Variants in OLFML1 observed in about 807,000 individuals in gnomAD.
OLFML1 encodes the protein olfactomedin-like protein 1.
In OLFML1, 33 loss-of-function variants were observed where a neutral mutation model predicts 37.3. That is an observed-to-expected ratio of 0.88 (90% CI 0.67 to 1.18). OLFML1 has a LOEUF of 1.18. Among genes scored for constraint, OLFML1 ranks in the 50% most tolerant of loss-of-function variants. OLFML1 has a pLI of 0.00. For missense variants in OLFML1, 545 were observed against 483.7 expected (o/e 1.13, Z -1.19); for synonymous variants, 186 against 181.3 (o/e 1.03, Z -0.21).
Position 7,488,373 on chromosome 11 carries a change from G to A in OLFML1, c.376G>A (p.Glu126Lys), listed in dbSNP as rs1848553300. The change falls in exon 2 of 3, where the codon GAA (glutamate) becomes AAA (lysine). Residue 126 changes from glutamate to lysine, a missense_variant. Glu to Lys is a moderately conservative substitution (Grantham distance 56). Transcript: ENST00000329293. Reference sequence around the variant, plus strand: ...GACACTGGCAGAAATGTTGCTCCAAGAAGCTGAAGAAGAGAAAAAGATCCG... The same window carrying A: ...GACACTGGCAGAAATGTTGCTCCAAAAAGCTGAAGAAGAGAAAAAGATCCG... Reference protein sequence around the residue: ...DKTLAEMLLQEAEEEKKIRTL... With the variant: ...DKTLAEMLLQKAEEEKKIRTL... 1.2e-6 allele frequency: 2 copies of A among 1,613,842 alleles called. No homozygotes were observed. The highest frequency in any genetic ancestry group is 2.7e-5 in the African/African-American group (2 of 74,912).
chr11:7,509,615 C>G lies in OLFML1; in HGVS notation c.636C>G (p.Ser212=). The G allele has an allele frequency of 6.2e-7, 1 of 1,614,222 alleles. No homozygotes were observed. The highest frequency in any genetic ancestry group is 8.5e-7 in the Non-Finnish European group (1 of 1,180,028). Reference sequence around the variant, plus strand: ...CCCGGAAGCAAATCCTAACACTTTCCTGGCAGGGAACAGGCCAAGTGATCT... The same window carrying G: ...CCCGGAAGCAAATCCTAACACTTTCGTGGCAGGGAACAGGCCAAGTGATCT... ...PAPRKQILTL[S]WQGTGQVIYK... Residue 212 remains serine (S), a synonymous_variant, in exon 3 of 3, where the codon TCC becomes TCG. Transcript: ENST00000329293.
chr11:7,506,668 C>T (rs1399219875), intron 2 of OLFML1, among the ~76,000 whole-genome samples: 1 of 152,202 alleles, frequency 6.6e-6, no homozygotes, highest in East Asian at 1.9e-4. Flanking sequence ...CCTCCATCAA[C>T]ACTCAACTCC....
intron 2 of OLFML1, among the ~76,000 whole-genome samples, chr11:7,495,653 T>G (rs553124854): frequency 1.3e-5 from 2 of 152,282 alleles, no homozygotes; most frequent in East Asian, 3.9e-4. Flanking sequence ...ATGCTGTGCC[T>G]GGAACAGAGT....
intron 2 of OLFML1, among the ~76,000 whole-genome samples, chr11:7,491,451 AG>A (rs1299058778): frequency 7.4e-6 from 1 of 136,044 alleles, no homozygotes; most frequent in Non-Finnish European, 1.6e-5. Flanking sequence ...ACAATGGCAG[AG>A]GCCCCTGCAG....
intron 2 of OLFML1, among the ~76,000 whole-genome samples, chr11:7,499,700 T>A (rs1290899173): frequency 6.6e-6 from 1 of 152,152 alleles, no homozygotes; most frequent in Non-Finnish European, 1.5e-5. Context: ...AGAAGGAACA[T>A]GGGGGGAATT....
At chr11:7,488,496 A>T in intron 2 of OLFML1, 81 bp downstream of exon 2, 2 of 1,126,556 alleles carry the variant, frequency 1.8e-6, no homozygotes, top group South Asian at 1.6e-5. Context: ...GTCAGGGAGC[A>T]TCATAGAGTA....
At chr11:7,498,449 G>C (rs906828334) in intron 2 of OLFML1, among the ~76,000 whole-genome samples, 3 of 152,172 alleles carry the variant, frequency 2.0e-5, no homozygotes, top group South Asian at 4.1e-4. Context: ...GCTATGCTGA[G>C]ATATCGGAAA....
chr11:7,486,244 T>C (rs7112389), intron 1 of OLFML1, among the ~76,000 whole-genome samples: 53,993 of 152,040 alleles, frequency 0.36, 9,768 homozygotes, highest in East Asian at 0.49. Flanking sequence ...GTTTGTCTCA[T>C]CTGTAAAATG....
chr11:7,492,334 G>T (rs1002593570), intron 2 of OLFML1, among the ~76,000 whole-genome samples: 2 of 152,122 alleles, frequency 1.3e-5, no homozygotes, highest in African/African-American at 2.4e-5. Flanking sequence ...AAAAACCATG[G>T]GATTATGGGC....
At chr11:7,488,459 T>A (rs1235811282) in intron 2 of OLFML1, 44 bp downstream of exon 2, 1 of 1,493,308 alleles carries the variant, frequency 6.7e-7, no homozygotes, top group Non-Finnish European at 9.1e-7. Context: ...GGGACTATTA[T>A]GCTCAGAAAC....
At chr11:7,495,364 C>A (rs1261065897) in intron 2 of OLFML1, among the ~76,000 whole-genome samples, 1 of 152,056 alleles carries the variant, frequency 6.6e-6, no homozygotes, top group Non-Finnish European at 1.5e-5. Context: ...TAAAGAAAGT[C>A]CTTTACAACC....
chr11:7,505,508 G>A (rs1022574996), intron 2 of OLFML1, among the ~76,000 whole-genome samples: 5 of 152,114 alleles, frequency 3.3e-5, no homozygotes, highest in African/African-American at 7.2e-5. Context: ...ATCTCACAAC[G>A]GATGGCCTGA....
rs752386294 is a variant in OLFML1, at chr11:7,509,777, C to A, written c.798C>A (p.Pro266=). 1 of 1,614,132 alleles carries A rather than the reference C, an allele frequency of 6.2e-7. No individual in the cohort carries two copies. The highest frequency in any genetic ancestry group is 1.3e-5 in the African/African-American group (1 of 74,950). Residue 266 remains proline (P), a synonymous_variant, in exon 3 of 3, where the codon CCC becomes CCA. Transcript: ENST00000329293. ...VGRALVYQHS[P]STYIDLAVDE... ...GAGCATTGGTTTACCAGCACTCCCC[C>A]TCAACTTACATTGACCTGGCTGTGG...
Position 7,510,416 on chromosome 11 carries a change from C to G in OLFML1, c.*228C>G, listed in dbSNP as rs145798936. 119 of 490,304 alleles carry G rather than the reference C, an allele frequency of 2.4e-4. 2 individuals are homozygous for G. The highest frequency in any genetic ancestry group is 8.5e-4 in the East Asian group (26 of 30,554). 30.4% of individuals were successfully genotyped at this position (490,304 alleles called of 1,614,324 possible). ...AGTTTCAACAATGTCCATTACTCCC[C>G]CAAACCTCCTGGCTCTCAAGGATGA... On this transcript the variant is annotated 3_prime_UTR_variant, in exon 3 of 3. Transcript: ENST00000329293.
intron 2 of OLFML1, among the ~76,000 whole-genome samples, chr11:7,499,159 A>G (rs1224742304): frequency 6.6e-6 from 1 of 152,264 alleles, no homozygotes; most frequent in Non-Finnish European, 1.5e-5. Context: ...ATATGAAAAG[A>G]TTCAAATAAG....
chr11:7,510,033 A>G lies in OLFML1; in HGVS notation c.1054A>G (p.Ser352Gly). 6.2e-7 allele frequency: 1 copy of G among 1,614,246 alleles called. No homozygotes were observed. Among genetic ancestry groups the G allele is most frequent in the South Asian group, 1.1e-5 (1 of 91,088 alleles). ...TCIYDPLGTI[S>G]EEDLPNLFFP... ...CATCTATGATCCACTGGGCACTATC[A>G]GTGAGGAGGACTTGCCCAACTTGTT... The change falls in exon 3 of 3, where the codon AGT (serine) becomes GGT (glycine). Residue 352 changes from serine to glycine, a missense_variant. Transcript: ENST00000329293.
At chr11:7,492,097 C>T (rs1311748501) in intron 2 of OLFML1, among the ~76,000 whole-genome samples, 1 of 152,186 alleles carries the variant, frequency 6.6e-6, no homozygotes, top group Non-Finnish European at 1.5e-5. Flanking sequence ...GGGAATTACA[C>T]TGGGCATGTA....
In OLFML1 at chr11:7,510,436, G is replaced by T; in HGVS notation, c.*248G>T. 1 of 448,474 alleles carries T rather than the reference G, an allele frequency of 2.2e-6. No individual in the cohort carries two copies. Among genetic ancestry groups the T allele is most frequent in the South Asian group, 3.5e-5 (1 of 28,726 alleles). The allele number at this position is 448,474 out of a possible 1,614,324, so 27.8% of individuals were successfully genotyped here. A position where few individuals can be genotyped will look rare whatever the true frequency, so the allele number is the denominator to read the frequency against. On this transcript the variant is annotated 3_prime_UTR_variant, in exon 3 of 3. Coordinates refer to ENST00000329293, the MANE Select transcript of OLFML1 (RefSeq NM_198474.4). Reference sequence around the variant, plus strand: ...CTCCCCCAAACCTCCTGGCTCTCAAGGATGACCACATTCTGATACAGCCTA... The same window carrying T: ...CTCCCCCAAACCTCCTGGCTCTCAATGATGACCACATTCTGATACAGCCTA...
At chr11:7,508,247 T>C (rs1166758509) in intron 2 of OLFML1, among the ~76,000 whole-genome samples, 1 of 152,106 alleles carries the variant, frequency 6.6e-6, no homozygotes, top group Admixed American at 6.5e-5. Flanking sequence ...CAGAAGAGAA[T>C]CCACATTTTA....
Sources: allele counts gnomAD v4.1 joint callset (sites outside exome capture counted in the v4.1 genomes callset), GRCh38; gene constraint gnomAD v4.1.1; transcripts MANE v1.5; gene names NCBI Gene and HGNC (gene_info 2026-07-23, HGNC 2026-07-21).